Variants in TARS3 observed in about 807,000 individuals in gnomAD.
TARS3 encodes the protein threonine--tRNA ligase 2, cytoplasmic.
A neutral mutation model predicts 103.5 loss-of-function variants in TARS3; 94 were observed. The ratio of observed to expected loss-of-function variants is 0.91; its 90% CI spans 0.77 to 1.08. The LOEUF (loss-of-function observed/expected upper bound fraction) is 1.08, where lower values mean the gene tolerates loss of function less well. TARS3 is among the 50% of genes least tolerant of loss of function. The pLI is 0.00. For missense variants in TARS3, 952 were observed against 995.2 expected (o/e 0.96, Z 0.58); for synonymous variants, 416 against 355.4 (o/e 1.17, Z -1.92).
At chr15:101,693,198 C>T (rs1438804195) in intron 10 of TARS3, among the ~76,000 whole-genome samples, 2 of 152,156 alleles carry the variant, frequency 1.3e-5, no homozygotes, top group Non-Finnish European at 2.9e-5. Context: ...CTAATAAAGA[C>T]AAACCCAAGA....
At chr15:101,723,998 C>T (rs559846427) in intron 1 of TARS3, 93 bp downstream of exon 1, 3 of 1,213,856 alleles carry the variant, frequency 2.5e-6, no homozygotes, top group Admixed American at 4.1e-5. Flanking sequence ...CGGGGCGCCC[C>T]CGCACCTGCC....
intron 10 of TARS3, among the ~76,000 whole-genome samples, chr15:101,693,986 T>A (rs1200584807): frequency 6.6e-6 from 1 of 151,690 alleles, no homozygotes. Context: ...CTGCATGTTA[T>A]CAAAAAGGCG....
chr15:101,701,034 A>G, intron 10 of TARS3, 52 bp downstream of exon 10: 1 of 1,224,184 alleles, frequency 8.2e-7, no homozygotes, highest in Non-Finnish European at 1.1e-6. Flanking sequence ...AGAAAATAGT[A>G]AAAATGTAAA....
intron 12 of TARS3, among the ~76,000 whole-genome samples, chr15:101,676,647 C>T (rs991743624): frequency 2.0e-5 from 3 of 151,588 alleles, no homozygotes; most frequent in Admixed American, 6.6e-5. Flanking sequence ...TACAGGTGCT[C>T]GCCACCATGC....
chr15:101,703,423 C>T (rs1173126129), intron 8 of TARS3, among the ~76,000 whole-genome samples: 2 of 152,020 alleles, frequency 1.3e-5, no homozygotes, highest in Non-Finnish European at 1.5e-5. Flanking sequence ...AACCCCATCT[C>T]GACTAAAAAT....
chr15:101,673,727 C>T (rs1897910728), intron 13 of TARS3, among the ~76,000 whole-genome samples: 1 of 152,268 alleles, frequency 6.6e-6, no homozygotes. Context: ...ATTTGGCCCT[C>T]TTTGTCCATG....
chr15:101,654,542 C>G lies in TARS3; in HGVS notation c.*40G>C. The G allele has an allele frequency of 1.9e-6, 3 of 1,595,080 alleles. No individual in the cohort carries two copies. Among genetic ancestry groups the G allele is most frequent in the Non-Finnish European group, 2.6e-6 (3 of 1,173,920 alleles). On this transcript the variant is annotated 3_prime_UTR_variant, in exon 19 of 19. Transcript: ENST00000335968. ...TTAAGAAAAATACATTTTTAAGGGTCAAAACAAAGTTACACAGAAGCAAAT... is the reference window on the plus strand; with the variant it reads ...TTAAGAAAAATACATTTTTAAGGGTGAAAACAAAGTTACACAGAAGCAAAT...
chr15:101,685,067 T>C (rs886536793), intron 11 of TARS3, among the ~76,000 whole-genome samples: 1 of 152,232 alleles, frequency 6.6e-6, no homozygotes, highest in Non-Finnish European at 1.5e-5. Context: ...ATATATTTTT[T>C]ACATGACATC....
At position 101,722,944 on chromosome 15, in the gene TARS3, T is replaced by C. The variant is rs1900562498; in HGVS notation, c.369+149A>G. 22 of 702,940 alleles carry C rather than the reference T, an allele frequency of 3.1e-5. No individual in the cohort carries two copies. The South Asian group carries it at 3.4e-4, about 11-fold the overall frequency. 43.5% of individuals were successfully genotyped at this position (702,940 alleles called of 1,614,324 possible). On this transcript the variant is annotated intron_variant, in intron 2 of 18. Transcript: ENST00000335968. Reference sequence around the variant, plus strand: ...AGCTCATTTCTCAAGACATCTCATATTTAAGGCTTGAAAAGTTTTAAATAC... The same window carrying C: ...AGCTCATTTCTCAAGACATCTCATACTTAAGGCTTGAAAAGTTTTAAATAC...
intron 3 of TARS3, among the ~76,000 whole-genome samples, chr15:101,717,954 A>G (rs534544944): frequency 6.6e-6 from 1 of 152,348 alleles, no homozygotes; most frequent in African/African-American, 2.4e-5. Context: ...AGTAACAAGG[A>G]AACAGATTCT....
chr15:101,706,086 G>A (rs1031648100), intron 6 of TARS3, among the ~76,000 whole-genome samples: 4 of 152,116 alleles, frequency 2.6e-5, no homozygotes, highest in Admixed American at 6.5e-5. Context: ...TCAGCCTCCC[G>A]TGTAGCTGGA....
chr15:101,699,064 G>C (rs1264597039), intron 10 of TARS3, among the ~76,000 whole-genome samples: 3 of 152,152 alleles, frequency 2.0e-5, no homozygotes, highest in African/African-American at 7.2e-5. Context: ...GAATGCTCCA[G>C]TGGGAGATAT....
rs143567816 is a variant in TARS3, at chr15:101,682,976, A to G, written c.1650+1099T>C. Among the ~76,000 whole-genome samples the G allele has an allele frequency of 3.4e-4, 52 of 152,350 alleles. 1 individual carries two copies. Among genetic ancestry groups the G allele is most frequent in the African/African-American group, 1.1e-3 (45 of 41,594 alleles). On this transcript the variant is annotated intron_variant, in intron 12 of 18. Coordinates refer to ENST00000335968, the MANE Select transcript of TARS3 (RefSeq NM_152334.3). ...AACAGCTACAGAATCTGTAGTGATGACATCTGTCTCATTCCTGACATTTTT... is the reference window on the plus strand; with the variant it reads ...AACAGCTACAGAATCTGTAGTGATGGCATCTGTCTCATTCCTGACATTTTT...
intron 10 of TARS3, among the ~76,000 whole-genome samples, chr15:101,700,340 T>C (rs1899198828): frequency 6.6e-6 from 1 of 152,206 alleles, no homozygotes; most frequent in African/African-American, 2.4e-5. Context: ...TTTTTCCTCT[T>C]TCCTCTGGAA....
intron 12 of TARS3, among the ~76,000 whole-genome samples, chr15:101,680,285 G>T (rs115391774): frequency 6.6e-6 from 1 of 152,232 alleles, no homozygotes; most frequent in Non-Finnish European, 1.5e-5. Context: ...GGTTGAAATA[G>T]AGTAGATATT....
chr15:101,721,173 T>A lies in TARS3; in HGVS notation c.519A>T (p.Gln173His). The A allele has an allele frequency of 6.2e-7, 1 of 1,612,926 alleles. No individual in the cohort carries two copies. The highest frequency in any genetic ancestry group is 8.5e-7 in the Non-Finnish European group (1 of 1,178,990). Residue 173 changes from glutamine to histidine, a missense_variant, in exon 3 of 19, where the codon CAA becomes CAT. Physicochemically the swap from Gln to His is conservative, Grantham distance 24 (BLOSUM62 0). This residue lies in a region of TARS3 where 412 missense variants were observed against 364.2 expected (regional missense o/e 1.13). Coordinates refer to ENST00000335968, the MANE Select transcript of TARS3 (RefSeq NM_152334.3). The stretch of plus-strand genomic sequence containing the variant: ...AAGGCGTTGTTTTCCAGACTTCCCC[T>A]TGCACTGTTTGCCCATCAGCCACTC... The part of the protein sequence containing the change: ...TVRVADGQTV[Q>H]GEVWKTTPYQ...
At chr15:101,676,869 T>C (rs1356185714) in intron 12 of TARS3, among the ~76,000 whole-genome samples, 1 of 151,926 alleles carries the variant, frequency 6.6e-6, no homozygotes, top group Non-Finnish European at 1.5e-5. Flanking sequence ...TAGGTATATG[T>C]GTGCCATGGT....
intron 10 of TARS3, among the ~76,000 whole-genome samples, chr15:101,695,187 C>T (rs925353377): frequency 1.3e-5 from 2 of 152,144 alleles, no homozygotes; most frequent in Non-Finnish European, 2.9e-5. Context: ...CAAATGTATA[C>T]AGTCATGCGA....
At chr15:101,669,475 G>A (rs998375666) in intron 15 of TARS3, among the ~76,000 whole-genome samples, 1 of 152,162 alleles carries the variant, frequency 6.6e-6, no homozygotes, top group Non-Finnish European at 1.5e-5. Flanking sequence ...AATGTCTACA[G>A]TAGTATACAC....
Sources: allele counts gnomAD v4.1 joint callset (sites outside exome capture counted in the v4.1 genomes callset), GRCh38; gene constraint gnomAD v4.1.1; regional missense constraint gnomAD v4.1.1; transcripts MANE v1.5; gene names NCBI Gene and HGNC (gene_info 2026-07-23, HGNC 2026-07-21).